PAPOLA: variants seen among roughly 807,000 people sequenced by gnomAD.
PAPOLA encodes the protein poly(A) polymerase alpha, also known as polynucleotide adenylyltransferase alpha.
A neutral mutation model predicts 100.6 loss-of-function variants in PAPOLA; 15 were observed. The ratio of observed to expected loss-of-function variants is 0.15; its 90% CI spans 0.10 to 0.23. The LOEUF (loss-of-function observed/expected upper bound fraction) is 0.23, where lower values mean the gene tolerates loss of function less well. Ranked by LOEUF, PAPOLA falls within the 10% of genes least tolerant of loss-of-function variation. The pLI, the probability that PAPOLA is intolerant of heterozygous loss-of-function variation, is 1.00. For missense variants in PAPOLA, 533 were observed against 884.2 expected (o/e 0.60, Z 5.04); for synonymous variants, 293 against 300.0 (o/e 0.98, Z 0.24).
intron 1 of PAPOLA, among the ~76,000 whole-genome samples, chr14:96,517,807 G>A (rs572929966): frequency 1.3e-5 from 2 of 151,238 alleles, no homozygotes; most frequent in African/African-American, 2.4e-5. Flanking sequence ...GGGTTAGAGC[G>A]ATGCTCCTGC....
At chr14:96,511,362 A>G (rs1897097350) in intron 1 of PAPOLA, among the ~76,000 whole-genome samples, 2 of 152,278 alleles carry the variant, frequency 1.3e-5, no homozygotes, top group Admixed American at 1.3e-4. Flanking sequence ...GGCGTTCGAC[A>G]CCAGCCTGGG....
rs1902199946 is a variant in PAPOLA, at chr14:96,565,447, A to G, written c.*397A>G. 2 of 351,510 alleles carry G rather than the reference A, an allele frequency of 5.7e-6. No homozygotes were observed. Among genetic ancestry groups the G allele is most frequent in the African/African-American group, 4.2e-5 (2 of 47,934 alleles). 21.8% of individuals were successfully genotyped at this position (351,510 alleles called of 1,614,324 possible). A position where few individuals can be genotyped will look rare whatever the true frequency, so the allele number is the denominator to read the frequency against. ...TTATGTATTTTTCATTAGAAAGTAG[A>G]ACTAATTTTAGATTTTCAGCTTGAT... On this transcript the variant is annotated 3_prime_UTR_variant, in exon 22 of 22. Coordinates refer to ENST00000216277, the MANE Select transcript of PAPOLA (RefSeq NM_032632.5).
Position 96,555,830 on chromosome 14 carries a change from A to AT in PAPOLA, c.1665-17_1665-16insT. ...ATTTTTAAATTTTGAGACAATTTTT[A>AT]ATTTTTTTTTTTTTAGCAGAAACAG... On this transcript the variant is annotated splice_polypyrimidine_tract_variant and intron_variant, in intron 17 of 21. Coordinates refer to ENST00000216277, the MANE Select transcript of PAPOLA (RefSeq NM_032632.5). 8 of 1,267,006 alleles carry AT rather than the reference A, an allele frequency of 6.3e-6. No homozygotes were observed. Among genetic ancestry groups the AT allele is most frequent in the South Asian group, 3.1e-5 (2 of 65,518 alleles). 78.5% of individuals were successfully genotyped at this position (1,267,006 alleles called of 1,614,324 possible). A position where few individuals can be genotyped will look rare whatever the true frequency, so the allele number is the denominator to read the frequency against.
intron 6 of PAPOLA, among the ~76,000 whole-genome samples, chr14:96,529,265 T>A (rs1190508202): frequency 6.6e-6 from 1 of 152,184 alleles, no homozygotes; most frequent in Non-Finnish European, 1.5e-5. Context: ...GAGCCTATAA[T>A]CTTTATTTCT....
chr14:96,507,378 T>C (rs901643862), intron 1 of PAPOLA, among the ~76,000 whole-genome samples: 3 of 142,270 alleles, frequency 2.1e-5, no homozygotes, highest in African/African-American at 5.3e-5. Flanking sequence ...AGCTCCGTCT[T>C]CCGGGTTCAC....
chr14:96,505,853 G>T (rs1896674431), intron 1 of PAPOLA, among the ~76,000 whole-genome samples: 1 of 152,138 alleles, frequency 6.6e-6, no homozygotes, highest in Non-Finnish European at 1.5e-5. Context: ...GCAGAGAACC[G>T]GTATTGTATA....
intron 16 of PAPOLA, 132 bp downstream of exon 16, chr14:96,548,050 C>G: frequency 2.7e-6 from 2 of 749,226 alleles, no homozygotes; most frequent in Non-Finnish European, 4.3e-6. Flanking sequence ...AAATCTGTTT[C>G]ATGGAGCAGT....
At chr14:96,540,819 T>G (rs1170357027) in intron 12 of PAPOLA, among the ~76,000 whole-genome samples, 1 of 152,240 alleles carries the variant, frequency 6.6e-6, no homozygotes, top group Non-Finnish European at 1.5e-5. Flanking sequence ...TATTATCCCA[T>G]TTTACAGATG....
At chr14:96,534,260 GA>G in intron 9 of PAPOLA, 1 of 1,343,360 alleles carries the variant, frequency 7.4e-7, no homozygotes, top group Non-Finnish European at 9.5e-7. Context: ...GAGTGGCAGA[GA>G]ACGTTTTTGG....
chr14:96,556,289 G>C lies in PAPOLA; in HGVS notation c.1880G>C (p.Arg627Thr), dbSNP rs1327859832. 3.7e-6 allele frequency: 6 copies of C among 1,613,906 alleles called. No homozygotes were observed. Among genetic ancestry groups the C allele is most frequent in the Non-Finnish European group, 5.1e-6 (6 of 1,180,024 alleles). The change falls in exon 19 of 22, where the codon AGA becomes ACA. Residue 627 changes from arginine (R) to threonine (T), a missense_variant. Physicochemically the swap from Arg to Thr is moderately conservative, Grantham distance 71 (BLOSUM62 -1). Transcript: ENST00000216277. ...SSTRLVNPPPRSSGNAATSGN... is the reference protein window; with the variant it reads ...SSTRLVNPPPTSSGNAATSGN... ...ACACGTCTGGTAAACCCACCACCTAGATCTTCAGGAAATGCAGCAACTTCA... is the reference window on the plus strand; with the variant it reads ...ACACGTCTGGTAAACCCACCACCTACATCTTCAGGAAATGCAGCAACTTCA...
chr14:96,543,004 C>G, intron 14 of PAPOLA, 111 bp downstream of exon 14: 1 of 1,052,854 alleles, frequency 9.5e-7, no homozygotes, highest in Non-Finnish European at 1.4e-6. Context: ...CTACATATGG[C>G]TTATAGACAA....
At chr14:96,559,859 A>G (rs931293104) in intron 19 of PAPOLA, among the ~76,000 whole-genome samples, 2 of 151,900 alleles carry the variant, frequency 1.3e-5, no homozygotes, top group Admixed American at 6.6e-5. Context: ...GACTTCTATA[A>G]AATATAAGTA....
At chr14:96,541,051 G>A (rs1899944073) in intron 12 of PAPOLA, among the ~76,000 whole-genome samples, 1 of 151,976 alleles carries the variant, frequency 6.6e-6, no homozygotes, top group Non-Finnish European at 1.5e-5. Flanking sequence ...CACCATGCCC[G>A]GCTAATTTTT....
Position 96,532,113 on chromosome 14 carries a change from A to G in PAPOLA, c.608-218A>G. On this transcript the variant is annotated intron_variant, in intron 7 of 21. Transcript: ENST00000216277. Reference sequence around the variant, plus strand: ...ACTTTGGTTTCTTTGGTCAGTGCTTACAATAGGAGATAAATGCTTTAGATT... The same window carrying G: ...ACTTTGGTTTCTTTGGTCAGTGCTTGCAATAGGAGATAAATGCTTTAGATT... The G allele has an allele frequency of 3.0e-6, 4 of 1,355,694 alleles. No homozygotes were observed. In the South Asian group the frequency reaches 7.4e-5, roughly 25 times the overall value. The allele number at this position is 1,355,694 out of a possible 1,614,324, so 84.0% of individuals were successfully genotyped here.
intron 3 of PAPOLA, among the ~76,000 whole-genome samples, chr14:96,522,003 T>C (rs999951607): frequency 1.6e-4 from 25 of 152,080 alleles, no homozygotes; most frequent in African/African-American, 5.5e-4. Context: ...GGTTTCTCCA[T>C]GTTGGCCACG....
At chr14:96,510,613 C>T (rs1019062759) in intron 1 of PAPOLA, among the ~76,000 whole-genome samples, 1 of 152,178 alleles carries the variant, frequency 6.6e-6, no homozygotes, top group African/African-American at 2.4e-5. Flanking sequence ...TCAGTTTGGC[C>T]TTGGGCTTTA....
chr14:96,508,377 G>C (rs1896879500), intron 1 of PAPOLA, among the ~76,000 whole-genome samples: 1 of 152,232 alleles, frequency 6.6e-6, no homozygotes, highest in Non-Finnish European at 1.5e-5. Flanking sequence ...TTGCTGCTCA[G>C]TAAATGTTGA....
intron 19 of PAPOLA, chr14:96,560,342 C>CT (rs765593616): frequency 0.018 from 3,542 of 195,214 alleles, no homozygotes; most frequent in Middle Eastern, 0.037. Flanking sequence ...ATCAGGAACT[C>CT]TTTTTTTTTT....
At chr14:96,559,550 C>CCTCTCTCTCTCTCTCT (rs66829530) in intron 19 of PAPOLA, among the ~76,000 whole-genome samples, 15 of 118,486 alleles carry the variant, frequency 1.3e-4, no homozygotes, top group African/African-American at 3.4e-4. Flanking sequence ...GCTAAATTAA[C>CCTCTCTCTCTCTCTCT]CTCTCTCTCT....
Sources: allele counts gnomAD v4.1 joint callset (sites outside exome capture counted in the v4.1 genomes callset), GRCh38; gene constraint gnomAD v4.1.1; transcripts MANE v1.5; gene names NCBI Gene and HGNC (gene_info 2026-07-23, HGNC 2026-07-21).